Variants in MSTO1 observed in about 807,000 individuals in gnomAD.
The protein encoded by MSTO1 is misato mitochondrial distribution and morphology regulator 1.
Under a neutral mutation model 55.7 loss-of-function variants are expected in MSTO1, and 24 were observed. The observed-to-expected ratio is 0.43, with a 90% CI of 0.31 to 0.61. MSTO1 has a LOEUF of 0.61. Among genes scored for constraint, MSTO1 ranks in the 20% least tolerant of loss-of-function variants. The pLI is 0.09. For missense variants in MSTO1, 363 were observed against 625.7 expected, an observed-to-expected ratio of 0.58 and a Z score of 4.48; for synonymous variants, 162 against 252.8, an observed-to-expected ratio of 0.64 and a Z score of 3.41.
chr1:155,594,268 G>A, the MSTO1 span, among the ~76,000 whole-genome samples: 1 of 151,964 alleles, frequency 6.6e-6, no homozygotes, highest in African/African-American at 2.4e-5. Flanking sequence ...CAGGCGTGGT[G>A]GCAGGCGCCT....
chr1:155,609,693 T>C (rs12563171), upstream of MSTO1: 3,539 of 154,702 alleles, frequency 0.023, 63 homozygotes, highest in African/African-American at 0.061. Context: ...ATACTCTCTT[T>C]ACATAAGGTG....
upstream of MSTO1, among the ~76,000 whole-genome samples, chr1:155,608,170 C>G (rs1268750881): frequency 1.3e-5 from 2 of 152,144 alleles, no homozygotes; most frequent in African/African-American, 2.4e-5. Flanking sequence ...CATTTTGTCA[C>G]TTTTTAAAAT....
At chr1:155,565,271 G>T in the MSTO1 span, among the ~76,000 whole-genome samples, 1 of 150,012 alleles carries the variant, frequency 6.7e-6, no homozygotes. Flanking sequence ...TTCCAGCCTG[G>T]GAGACGAGAG....
chr1:155,610,187 C>G (rs1171771160), upstream of MSTO1: 1 of 970,940 alleles, frequency 1.0e-6, no homozygotes, highest in African/African-American at 1.6e-5. Context: ...CCTGCCAAGC[C>G]AATCGGCTAG....
At chr1:155,611,419 T>C in intron 4 of MSTO1, 128 bp downstream of exon 4, 1 of 1,594,126 alleles carries the variant, frequency 6.3e-7, no homozygotes, top group Non-Finnish European at 8.5e-7. Context: ...AGCACTCCTT[T>C]TCCTAAGGAC....
the MSTO1 span, among the ~76,000 whole-genome samples, chr1:155,600,718 C>T: frequency 6.6e-6 from 1 of 151,972 alleles, no homozygotes; most frequent in South Asian, 2.1e-4. Context: ...TGGCTAATTT[C>T]TGTATTTTTA....
chr1:155,611,432 C>G, intron 4 of MSTO1, 117 bp from the exon 5 acceptor site: 1 of 1,602,550 alleles, frequency 6.2e-7, no homozygotes, highest in Non-Finnish European at 8.5e-7. Flanking sequence ...CTAAGGACTG[C>G]GACTCGGTGA....
At chr1:155,563,663 C>A in the MSTO1 span, 2 of 429,616 alleles carry the variant, frequency 4.7e-6, no homozygotes, top group South Asian at 1.6e-5. Flanking sequence ...GCTTTTCATT[C>A]AGTTCTGGAC....
chr1:155,600,515 C>T, the MSTO1 span, among the ~76,000 whole-genome samples: 265 of 152,130 alleles, frequency 1.7e-3, 1 homozygote, highest in Non-Finnish European at 2.3e-3. Flanking sequence ...AGCATATGTC[C>T]CTTTTTTGTT....
chr1:155,595,433 C>T, the MSTO1 span, among the ~76,000 whole-genome samples: 3 of 151,584 alleles, frequency 2.0e-5, no homozygotes, highest in African/African-American at 7.3e-5. Flanking sequence ...GTGCCTCGGC[C>T]TCCCAAAGTG....
chr1:155,591,142 C>A, the MSTO1 span: 3 of 1,613,362 alleles, frequency 1.9e-6, no homozygotes, highest in Middle Eastern at 1.6e-4. Context: ...CTGGCCACCA[C>A]GATGCTGTTG....
the MSTO1 span, chr1:155,563,999 A>T: frequency 5.9e-6 from 1 of 170,006 alleles, no homozygotes; most frequent in South Asian, 1.1e-4. Flanking sequence ...CACTTGACTG[A>T]TATTTGATAA....
At chr1:155,586,649 G>C in the MSTO1 span, 2 of 472,736 alleles carry the variant, frequency 4.2e-6, no homozygotes, top group Non-Finnish European at 8.3e-6. Flanking sequence ...TTTTTTTTAA[G>C]AGTACAAGGA....
At position 155,614,582 on chromosome 1, in the gene MSTO1, C is replaced by A; in HGVS notation, c.*309C>A. 1.6e-6 allele frequency: 1 copy of A among 630,090 alleles called. No homozygotes were observed. Among genetic ancestry groups the A allele is most frequent in the Non-Finnish European group, 2.9e-6 (1 of 343,622 alleles). The allele number at this position is 630,090 out of a possible 1,614,324, so 39.0% of individuals were successfully genotyped here. On this transcript the variant is annotated 3_prime_UTR_variant, in exon 14 of 14. Coordinates refer to ENST00000245564, the MANE Select transcript of MSTO1 (RefSeq NM_018116.4). The stretch of plus-strand genomic sequence containing the variant: ...CCCTGGGTCCTACTCCATCCTCCAG[C>A]CTTTGTCCTTGTCCTGGCCTCCTGC...
the MSTO1 span, among the ~76,000 whole-genome samples, chr1:155,583,504 C>T: frequency 7.9e-5 from 12 of 151,950 alleles, no homozygotes; most frequent in African/African-American, 2.9e-4. Context: ...CCACTGCACT[C>T]CAGCCTGGGC....
chr1:155,606,536 A>T (rs1379805390), upstream of MSTO1, among the ~76,000 whole-genome samples: 16 of 151,720 alleles, frequency 1.1e-4, no homozygotes. Context: ...CTGGGACCAC[A>T]GGCGCGTGCC....
intron 7 of MSTO1, 22 bp downstream of exon 7, chr1:155,612,122 C>G (rs760354038): frequency 2.8e-5 from 45 of 1,612,992 alleles, no homozygotes; most frequent in African/African-American, 6.7e-5. Flanking sequence ...GCAATGTGCA[C>G]TCCAGGGTGG....
chr1:155,612,225 T>G lies in MSTO1; in HGVS notation c.722T>G (p.Val241Gly), dbSNP rs1449969851. ...LCDLHDGFSG[V>G]GAKAAELLQD... Reference sequence around the variant, plus strand: ...GACCTGCACGATGGCTTCTCTGGGGTAGGCGCGAAGGCGGCAGAGCTGCTA... The same window carrying G: ...GACCTGCACGATGGCTTCTCTGGGGGAGGCGCGAAGGCGGCAGAGCTGCTA... Residue 241 changes from valine (V) to glycine (G), a missense_variant, in exon 8 of 14, where the codon GTA becomes GGA. Val to Gly is a moderately radical substitution (Grantham distance 109). This residue lies in a region of MSTO1 where 231 missense variants were observed against 286.9 expected (regional missense o/e 0.81). Coordinates refer to ENST00000245564, the MANE Select transcript of MSTO1 (RefSeq NM_018116.4). 6.2e-7 allele frequency: 1 copy of G among 1,609,674 alleles called. No homozygotes were observed. The highest frequency in any genetic ancestry group is 8.5e-7 in the Non-Finnish European group (1 of 1,177,668).
At chr1:155,587,867 AG>A in the MSTO1 span, among the ~76,000 whole-genome samples, 1 of 152,066 alleles carries the variant, frequency 6.6e-6, no homozygotes, top group African/African-American at 2.4e-5. Context: ...TTATTTCTCT[AG>A]TTGAATTAAT....
Sources: allele counts gnomAD v4.1 joint callset (sites outside exome capture counted in the v4.1 genomes callset), GRCh38; gene constraint gnomAD v4.1.1; regional missense constraint gnomAD v4.1.1; transcripts MANE v1.5; gene names NCBI Gene and HGNC (gene_info 2026-07-23, HGNC 2026-07-21).